Variants in CDH13 observed in about 807,000 individuals in gnomAD.
CDH13 encodes cadherin-13.
In CDH13, 24 loss-of-function variants were observed where a neutral mutation model predicts 63.8. That is an observed-to-expected ratio of 0.38 (90% CI 0.27 to 0.53). CDH13 has a LOEUF of 0.53. CDH13 is among the 20% of genes least tolerant of loss of function. The pLI, the probability that CDH13 is intolerant of heterozygous loss-of-function variation, is 0.85. For missense variants in CDH13, 1,049 were observed against 903.1 expected (o/e 1.16, Z -2.07); for synonymous variants, 503 against 355.3 (o/e 1.42, Z -4.67).
At chr16:83,730,578 A>T (rs1272995301) in intron 10 of CDH13, among the ~76,000 whole-genome samples, 1 of 152,246 alleles carries the variant, frequency 6.6e-6, no homozygotes, top group Non-Finnish European at 1.5e-5. Context: ...GTATTCTTTT[A>T]AAAAATTCAT....
intron 4 of CDH13, 134 bp from the exon 5 acceptor site, chr16:83,217,211 A>T (rs1238207791): frequency 2.6e-6 from 2 of 762,206 alleles, no homozygotes; most frequent in Admixed American, 4.6e-5. Context: ...CTGTTACTTT[A>T]GTCAAATCTG....
intron 10 of CDH13, among the ~76,000 whole-genome samples, chr16:83,743,748 C>CTTTTTTCTTTTTTT (rs1912281994): frequency 6.6e-5 from 5 of 76,250 alleles, no homozygotes; most frequent in African/African-American, 2.8e-4. Context: ...TTTCTTTTTT[C>CTTTTTTCTTTTTTT]TTTTTTTTTT....
At chr16:83,649,697 G>T (rs1457873589) in intron 8 of CDH13, among the ~76,000 whole-genome samples, 1 of 152,138 alleles carries the variant, frequency 6.6e-6, no homozygotes, top group South Asian at 2.1e-4. Context: ...GAGGGGGCCT[G>T]TGGGTTTCCA....
chr16:82,776,501 A>G (rs1457783498), intron 1 of CDH13, among the ~76,000 whole-genome samples: 1 of 152,304 alleles, frequency 6.6e-6, no homozygotes, highest in South Asian at 2.1e-4. Flanking sequence ...ACACAAAGGG[A>G]GCAGCTGGAC....
intron 6 of CDH13, among the ~76,000 whole-genome samples, chr16:83,349,061 C>T (rs938296325): frequency 1.3e-5 from 2 of 152,216 alleles, no homozygotes; most frequent in Admixed American, 6.5e-5. Context: ...TATGTGCAGA[C>T]AGGAGACCAT....
intron 3 of CDH13, among the ~76,000 whole-genome samples, chr16:83,085,294 T>C (rs2033515379): frequency 6.6e-6 from 1 of 152,124 alleles, no homozygotes; most frequent in Admixed American, 6.5e-5. Context: ...ATCATGAGAA[T>C]AGCACAGGAA....
intron 10 of CDH13, among the ~76,000 whole-genome samples, chr16:83,705,910 G>A (rs902565827): frequency 6.6e-6 from 1 of 152,198 alleles, no homozygotes; most frequent in African/African-American, 2.4e-5. Flanking sequence ...AGGTGGGAGA[G>A]TAGATAAGTC....
intron 1 of CDH13, among the ~76,000 whole-genome samples, chr16:82,734,391 A>C (rs1412791342): frequency 6.6e-6 from 1 of 152,198 alleles, no homozygotes; most frequent in African/African-American, 2.4e-5. Flanking sequence ...CAGGCAGCAC[A>C]TAGGAGTCTC....
chr16:83,275,272 T>G (rs2088951184), intron 5 of CDH13, among the ~76,000 whole-genome samples: 1 of 147,024 alleles, frequency 6.8e-6, no homozygotes, highest in African/African-American at 2.5e-5. Flanking sequence ...TTTGCTATTT[T>G]TCTTTTTTCC....
chr16:83,534,813 T>C (rs1269874678), intron 7 of CDH13, among the ~76,000 whole-genome samples: 1 of 152,246 alleles, frequency 6.6e-6, no homozygotes, highest in Non-Finnish European at 1.5e-5. Context: ...CTTATTTAAA[T>C]GTGAATTAGC....
chr16:83,370,476 T>C (rs932877132), intron 6 of CDH13, among the ~76,000 whole-genome samples: 1 of 152,174 alleles, frequency 6.6e-6, no homozygotes, highest in Non-Finnish European at 1.5e-5. Flanking sequence ...ATTTTAACTT[T>C]TGTTTTAGGT....
chr16:82,907,318 C>G (rs1328978123), intron 2 of CDH13, among the ~76,000 whole-genome samples: 2 of 152,102 alleles, frequency 1.3e-5, no homozygotes, highest in Non-Finnish European at 2.9e-5. Context: ...TTACCCCTCA[C>G]TAGGCTCCCG....
intron 6 of CDH13, among the ~76,000 whole-genome samples, chr16:83,417,207 G>A (rs1047799085): frequency 6.6e-6 from 1 of 152,052 alleles, no homozygotes; most frequent in African/African-American, 2.4e-5. Context: ...AGGGCAGTCT[G>A]ACTTCAGATC....
rs920421841 is a variant in CDH13, at chr16:83,780,164, T to A, written c.1878T>A (p.Ala626=). 1 of 1,609,060 alleles carries A rather than the reference T, an allele frequency of 6.2e-7. No individual in the cohort carries two copies. The highest frequency in any genetic ancestry group is 1.3e-5 in the African/African-American group (1 of 74,840). The change falls in exon 12 of 14, where the codon GCT becomes GCA. Residue 626 remains alanine (A), a synonymous_variant. Coordinates refer to ENST00000567109, the MANE Select transcript of CDH13 (RefSeq NM_001257.5). Reference sequence around the variant, plus strand: ...TCAAATTTGAAATCCACAAACAAGCTGTTCCTGATAAAGTCTGGAAGATCT... The same window carrying A: ...TCAAATTTGAAATCCACAAACAAGCAGTTCCTGATAAAGTCTGGAAGATCT... The part of the protein sequence containing the change: ...DPFKFEIHKQ[A]VPDKVWKISK...
intron 5 of CDH13, among the ~76,000 whole-genome samples, chr16:83,290,929 C>T (rs1429652153): frequency 1.3e-5 from 2 of 152,164 alleles, no homozygotes; most frequent in Non-Finnish European, 2.9e-5. Flanking sequence ...TTCTCAAGAT[C>T]TGGAGTTCAG....
chr16:83,048,811 C>A (rs1489673186), intron 3 of CDH13, among the ~76,000 whole-genome samples: 1 of 152,166 alleles, frequency 6.6e-6, no homozygotes, highest in African/African-American at 2.4e-5. Flanking sequence ...CCTCCCCCAG[C>A]CTCCAAACGT....
intron 5 of CDH13, among the ~76,000 whole-genome samples, chr16:83,261,082 C>T (rs947906981): frequency 1.3e-5 from 2 of 152,014 alleles, no homozygotes; most frequent in Admixed American, 1.3e-4. Context: ...CCCCTTGGCT[C>T]ACAGGTCCAC....
intron 1 of CDH13, among the ~76,000 whole-genome samples, chr16:82,673,687 C>T (rs748181678): frequency 2.0e-5 from 3 of 152,192 alleles, no homozygotes; most frequent in South Asian, 4.1e-4. Flanking sequence ...GTTGAGAAAT[C>T]GAGTATAGTT....
intron 5 of CDH13, among the ~76,000 whole-genome samples, chr16:83,265,538 G>T (rs1179159919): frequency 2.0e-5 from 3 of 151,990 alleles, no homozygotes; most frequent in South Asian, 2.1e-4. Flanking sequence ...CCACTCTGTT[G>T]TTGTATTATT....
Sources: allele counts gnomAD v4.1 joint callset (sites outside exome capture counted in the v4.1 genomes callset), GRCh38; gene constraint gnomAD v4.1.1; transcripts MANE v1.5; gene names NCBI Gene and HGNC (gene_info 2026-07-23, HGNC 2026-07-21).